Variants in ANKS6 observed in about 807,000 individuals in gnomAD.
ANKS6 encodes the protein ankyrin repeat and SAM domain-containing protein 6.
In ANKS6, 47 loss-of-function variants were observed where a neutral mutation model predicts 77.9. That is an observed-to-expected ratio of 0.60 (90% confidence interval 0.48 to 0.77). ANKS6 has a LOEUF of 0.77. Among genes scored for constraint, ANKS6 ranks in the 30% least tolerant of loss-of-function variants. ANKS6 has a pLI of 0.00. For missense variants in ANKS6, 1,150 were observed against 1,159.1 expected, an observed-to-expected ratio of 0.99 and a Z score of 0.11; for synonymous variants, 488 against 501.7, an observed-to-expected ratio of 0.97 and a Z score of 0.37.
rs537540889 is a variant in ANKS6, at chr9:98,783,800, C to T, written c.1112+153G>A. 2.7e-5 allele frequency: 14 copies of T among 511,372 alleles called. No homozygotes were observed. In the African/African-American group the frequency reaches 3.3e-4, roughly 12 times the overall value. 31.7% of individuals were successfully genotyped at this position (511,372 alleles called of 1,614,324 possible). On this transcript the variant is annotated intron_variant, in intron 4 of 14. Coordinates refer to ENST00000353234, the MANE Select transcript of ANKS6 (RefSeq NM_173551.5). ...AGGGTGGGACTAAAATGAGCCTGTG[C>T]CGCTTTTTTTTTTTTTTTCCATGCC...
rs989589822 is a variant in ANKS6, at chr9:98,766,963, A to G, written c.2142+1118T>C. On this transcript the variant is annotated intron_variant, in intron 11 of 14. Transcript: ENST00000353234. Reference sequence around the variant, plus strand: ...AGTCCCCTCAGAGGAGGAAAGGGTTATGCTGCACTACTGGGGAGTCACTTG... The same window carrying G: ...AGTCCCCTCAGAGGAGGAAAGGGTTGTGCTGCACTACTGGGGAGTCACTTG... 7.4e-4 allele frequency among the ~76,000 whole-genome samples: 112 copies of G among 152,178 alleles called. 1 individual carries two copies. Among genetic ancestry groups the G allele is most frequent in the African/African-American group, 2.6e-3 (109 of 41,458 alleles).
In ANKS6 at chr9:98,733,410, T is replaced by G. The variant is rs1448390277; in HGVS notation, c.*3109A>C. On this transcript the variant is annotated 3_prime_UTR_variant, in exon 15 of 15. Transcript: ENST00000353234. ...AGCTCAGGGTGGAGCCTCAGCTCAA[T>G]GCCCTCAGGCTGGAGAGCTCTCAGA... is the stretch of plus-strand genomic sequence containing the variant. The G allele has an allele frequency of 2.0e-6, 2 of 985,286 alleles. No individual in the cohort carries two copies. Among genetic ancestry groups the G allele is most frequent in the East Asian group, 2.3e-4 (2 of 8,800 alleles). The allele number at this position is 985,286 out of a possible 1,614,324, so 61.0% of individuals were successfully genotyped here. A position where few individuals can be genotyped will look rare whatever the true frequency, so the allele number is the denominator to read the frequency against.
intron 13 of ANKS6, chr9:98,746,142 G>A: frequency 6.4e-6 from 1 of 157,306 alleles, no homozygotes; most frequent in African/African-American, 2.4e-5. Flanking sequence ...AAGGAGAGAG[G>A]GCCATGGAGA....
At chr9:98,782,605 A>G in intron 4 of ANKS6, 32 bp from the exon 5 acceptor site, 1 of 1,571,634 alleles carries the variant, frequency 6.4e-7, no homozygotes, top group Middle Eastern at 1.7e-4. Context: ...ACATTCACTG[A>G]AAGCAAAGGC....
intron 10 of ANKS6, 31 bp downstream of exon 10, chr9:98,770,865 C>T (rs1025199381): frequency 2.1e-6 from 3 of 1,404,990 alleles, no homozygotes; most frequent in African/African-American, 1.5e-5. Flanking sequence ...GATCACCCCA[C>T]CTCCCTGAGT....
chr9:98,734,008 A>T lies in ANKS6; in HGVS notation c.*2511T>A. On this transcript the variant is annotated 3_prime_UTR_variant, in exon 15 of 15. Transcript: ENST00000353234. ...GGGGTGATCAAGGACCAAAAATCAG[A>T]AAAACAAGCACCCAACTGACCCCTC... 1 of 985,340 alleles carries T rather than the reference A, an allele frequency of 1.0e-6. No homozygotes were observed. The highest frequency in any genetic ancestry group is 1.2e-6 in the Non-Finnish European group (1 of 829,934). The allele number at this position is 985,340 out of a possible 1,614,324, so 61.0% of individuals were successfully genotyped here.
At chr9:98,790,757 A>G in intron 1 of ANKS6, 151 bp from the exon 2 acceptor site, 1 of 1,098,022 alleles carries the variant, frequency 9.1e-7, no homozygotes, top group Non-Finnish European at 1.3e-6. Context: ...AGCCACATGG[A>G]TGCAGATGCA....
At chr9:98,761,055 CT>C (rs1832978118) in intron 11 of ANKS6, among the ~76,000 whole-genome samples, 2 of 152,088 alleles carry the variant, frequency 1.3e-5, no homozygotes, top group South Asian at 4.1e-4. Flanking sequence ...GCAACTGTAC[CT>C]TTTTAAATAT....
chr9:98,770,715 A>G (rs1405202419), intron 10 of ANKS6, among the ~76,000 whole-genome samples, 181 bp downstream of exon 10: 2 of 152,176 alleles, frequency 1.3e-5, no homozygotes, highest in African/African-American at 4.8e-5. Flanking sequence ...TGCATCCCCA[A>G]GAAAATGTGT....
At chr9:98,739,307 C>T in intron 14 of ANKS6, among the ~76,000 whole-genome samples, 1 of 152,160 alleles carries the variant, frequency 6.6e-6, no homozygotes, top group East Asian at 1.9e-4. Context: ...ACAACAACAA[C>T]AACAACGAAT....
Position 98,790,108 on chromosome 9 carries a change from T to A in ANKS6, c.858A>T (p.Lys286Asn), listed in dbSNP as rs768778932. The A allele has an allele frequency of 6.4e-7, 1 of 1,559,050 alleles. No homozygotes were observed. The highest frequency in any genetic ancestry group is 2.3e-5 in the East Asian group (1 of 43,920). The stretch of plus-strand genomic sequence containing the variant: ...ACGGGGGGCATGCAGCCTGACCTGT[T>A]TTGGGCCTGACGGTGGTCAGCGGGT... ...YLDPLTTVRP[K>N]TDEEKRRPDI... Residue 286 changes from lysine to asparagine, a missense_variant, in exon 2 of 15, where the codon AAA becomes AAT. Transcript: ENST00000353234.
chr9:98,751,888 C>A (rs1832446351), intron 12 of ANKS6, among the ~76,000 whole-genome samples: 4 of 152,100 alleles, frequency 2.6e-5, no homozygotes, highest in Admixed American at 2.6e-4. Context: ...CAAAACCAGG[C>A]CTGGCACTAT....
chr9:98,795,247 T>C (rs4743277), intron 1 of ANKS6, among the ~76,000 whole-genome samples: 146,207 of 152,226 alleles, frequency 0.96, 70,461 homozygotes, highest in African/African-American at 0.99. Flanking sequence ...CAGCAAACTC[T>C]ACCTAACCAG....
At position 98,735,967 on chromosome 9, in the gene ANKS6, T is replaced by G; in HGVS notation, c.*552A>C. 1 of 1,227,692 alleles carries G rather than the reference T, an allele frequency of 8.1e-7. No homozygotes were observed. Among genetic ancestry groups the G allele is most frequent in the African/African-American group, 1.6e-5 (1 of 64,442 alleles). The allele number at this position is 1,227,692 out of a possible 1,614,324, so 76.0% of individuals were successfully genotyped here. On this transcript the variant is annotated 3_prime_UTR_variant, in exon 15 of 15. Coordinates refer to ENST00000353234, the MANE Select transcript of ANKS6 (RefSeq NM_173551.5). ...AAGTTAGAAGTTTTAAGGGAAGATGTGCCAGGAAGGCTAACCTCTCACCAT... is the reference window on the plus strand; with the variant it reads ...AAGTTAGAAGTTTTAAGGGAAGATGGGCCAGGAAGGCTAACCTCTCACCAT...
chr9:98,784,982 C>A, intron 2 of ANKS6, 106 bp from the exon 3 acceptor site: 1 of 1,008,928 alleles, frequency 9.9e-7, no homozygotes, highest in Non-Finnish European at 1.5e-6. Flanking sequence ...ATCTAATTCT[C>A]AAAAGCAATC....
Position 98,733,727 on chromosome 9 carries a change from A to T in ANKS6, c.*2792T>A. 1.0e-6 allele frequency: 1 copy of T among 985,498 alleles called. No individual in the cohort carries two copies. The highest frequency in any genetic ancestry group is 1.2e-6 in the Non-Finnish European group (1 of 829,982). The allele number at this position is 985,498 out of a possible 1,614,324, so 61.0% of individuals were successfully genotyped here. A position where few individuals can be genotyped will look rare whatever the true frequency, so the allele number is the denominator to read the frequency against. On this transcript the variant is annotated 3_prime_UTR_variant, in exon 15 of 15. Coordinates refer to ENST00000353234, the MANE Select transcript of ANKS6 (RefSeq NM_173551.5). ...AGGCCTGACCCATGCTGGCATGCTGAAGGTTGTGAGAGGCCTGTAGCAAAG... is the reference window on the plus strand; with the variant it reads ...AGGCCTGACCCATGCTGGCATGCTGTAGGTTGTGAGAGGCCTGTAGCAAAG...
chr9:98,777,321 C>A (rs1451776601), intron 8 of ANKS6, 84 bp downstream of exon 8: 4 of 1,468,918 alleles, frequency 2.7e-6, no homozygotes, highest in Admixed American at 1.7e-5. Context: ...CAAAGACAGA[C>A]AAACACCTAC....
At chr9:98,753,119 T>C (rs899720686) in intron 12 of ANKS6, among the ~76,000 whole-genome samples, 2 of 152,092 alleles carry the variant, frequency 1.3e-5, no homozygotes, top group African/African-American at 4.8e-5. Context: ...ATATAAAGGA[T>C]TTATAGCACA....
At chr9:98,793,953 C>G (rs1158829291) in intron 1 of ANKS6, among the ~76,000 whole-genome samples, 1 of 149,886 alleles carries the variant, frequency 6.7e-6, no homozygotes, top group Non-Finnish European at 1.5e-5. Flanking sequence ...AGATTGAGAC[C>G]AGCCTGGCCA....
Sources: gnomAD v4.1 joint callset for allele counts (sites outside exome capture counted in the v4.1 genomes callset) on GRCh38, gnomAD v4.1.1 for gene constraint, MANE v1.5 for transcripts, NCBI Gene and HGNC (gene_info 2026-07-23, HGNC 2026-07-21) for gene names.